DAB1: variants seen among roughly 807,000 people sequenced by gnomAD.
DAB1 encodes the protein disabled homolog 1.
Under a neutral mutation model 64.6 loss-of-function variants are expected in DAB1, and 15 were observed. The observed-to-expected ratio is 0.23, with a 90% CI of 0.16 to 0.36. The LOEUF is 0.36. Ranked by LOEUF, DAB1 falls within the 10% of genes least tolerant of loss-of-function variation. DAB1 has a pLI of 1.00. For synonymous variants in DAB1, 235 were observed against 251.9 expected, an observed-to-expected ratio of 0.93 and a Z score of 0.64; for missense variants, 596 against 706.7, an observed-to-expected ratio of 0.84 and a Z score of 1.78.
At chr1:57,232,681 C>G (rs1667775776) in intron 2 of DAB1, among the ~76,000 whole-genome samples, 1 of 151,990 alleles carries the variant, frequency 6.6e-6, no homozygotes, top group Non-Finnish European at 1.5e-5. Flanking sequence ...TCCAATACAC[C>G]AGATGGCGCC....
At chr1:57,370,008 G>T in intron 1 of DAB1, among the ~76,000 whole-genome samples, 1 of 152,258 alleles carries the variant, frequency 6.6e-6, no homozygotes, top group East Asian at 1.9e-4. Context: ...CTCAGCCCTT[G>T]TCTTGAACAG....
At chr1:57,140,285 G>A (rs747813178) in intron 3 of DAB1, among the ~76,000 whole-genome samples, 2 of 152,062 alleles carry the variant, frequency 1.3e-5, no homozygotes, top group Admixed American at 6.6e-5. Flanking sequence ...CTTACCCATC[G>A]TATAATTTAG....
chr1:57,148,275 G>C (rs145387329), intron 2 of DAB1, among the ~76,000 whole-genome samples: 19 of 152,324 alleles, frequency 1.2e-4, no homozygotes, highest in Non-Finnish European at 2.6e-4. Flanking sequence ...AACAAGGGCA[G>C]AGATTAATAA....
intron 1 of DAB1, among the ~76,000 whole-genome samples, chr1:57,423,154 A>G (rs1401133021): frequency 1.3e-5 from 2 of 150,298 alleles, no homozygotes; most frequent in Non-Finnish European, 3.0e-5. Flanking sequence ...TTTCCTTGGT[A>G]GAAAAAAAAA....
chr1:57,384,492 A>G (rs1411969015), intron 1 of DAB1, among the ~76,000 whole-genome samples: 1 of 152,236 alleles, frequency 6.6e-6, no homozygotes, highest in Non-Finnish European at 1.5e-5. Context: ...TATTCACAAT[A>G]GCCAAAAGGC....
At chr1:57,918,060 T>TC (rs1429737714) in intron 5 of DAB1, among the ~76,000 whole-genome samples, 97 of 135,558 alleles carry the variant, frequency 7.2e-4, no homozygotes, top group African/African-American at 2.5e-3. Context: ...AGAGTGAGAC[T>TC]CCGTCTCAAT....
At chr1:57,889,101 A>G (rs993549459) in intron 5 of DAB1, among the ~76,000 whole-genome samples, 2 of 152,178 alleles carry the variant, frequency 1.3e-5, no homozygotes, top group African/African-American at 4.8e-5. Flanking sequence ...TCCTTTCACG[A>G]GCTTGAGTTT....
chr1:57,810,701 G>C (rs1651578807), intron 6 of DAB1, among the ~76,000 whole-genome samples: 1 of 152,100 alleles, frequency 6.6e-6, no homozygotes, highest in Non-Finnish European at 1.5e-5. Flanking sequence ...ACCTCACTTT[G>C]CATCTCCCAA....
upstream of DAB1, among the ~76,000 whole-genome samples, chr1:57,887,797 C>T (rs1173652956): frequency 2.0e-5 from 3 of 152,162 alleles, no homozygotes; most frequent in East Asian, 3.8e-4. Context: ...AATCTCCTTC[C>T]ATTACATTAT....
chr1:58,291,689 C>G (rs1409241256), intron 4 of DAB1, among the ~76,000 whole-genome samples: 1 of 152,136 alleles, frequency 6.6e-6, no homozygotes, highest in African/African-American at 2.4e-5. Flanking sequence ...CTCATAGGAG[C>G]AGAATGAGGT....
At position 57,205,379 on chromosome 1, in the gene DAB1, A is replaced by G. The variant is rs563575186; in HGVS notation, c.68-59950T>C. 4.6e-5 allele frequency among the ~76,000 whole-genome samples: 7 copies of G among 152,242 alleles called. No individual in the cohort carries two copies. In the East Asian group the frequency reaches 9.7e-4, roughly 21 times the overall value. ...AGTGGACAAAATAGGCGAAGTCTCT[A>G]CTCTCTGAGCGTAGCCATGGGGCAG... On this transcript the variant is annotated intron_variant, in intron 2 of 14. Transcript: ENST00000371236.
intron 7 of DAB1, among the ~76,000 whole-genome samples, chr1:57,474,498 G>T (rs1041065230): frequency 3.3e-5 from 5 of 152,184 alleles, no homozygotes; most frequent in African/African-American, 1.2e-4. Context: ...CCATTAGGAA[G>T]TATGATTTAC....
chr1:58,238,103 T>C (rs1345961105), intron 4 of DAB1, among the ~76,000 whole-genome samples: 6 of 152,206 alleles, frequency 3.9e-5, no homozygotes, highest in Non-Finnish European at 8.8e-5. Flanking sequence ...AAACAGTAAG[T>C]ACCTGGAATT....
intron 7 of DAB1, among the ~76,000 whole-genome samples, chr1:57,563,759 C>T (rs1645081469): frequency 6.6e-6 from 1 of 152,186 alleles, no homozygotes; most frequent in Non-Finnish European, 1.5e-5. Context: ...CCCACCATTG[C>T]TGAGGCTTGA....
intron 5 of DAB1, among the ~76,000 whole-genome samples, chr1:57,896,233 T>A (rs1025914837): frequency 3.9e-5 from 6 of 152,124 alleles, no homozygotes; most frequent in African/African-American, 1.4e-4. Flanking sequence ...CTATGCAGTA[T>A]CACTATCGTG....
chr1:57,701,812 C>T (rs1424812235), intron 6 of DAB1, among the ~76,000 whole-genome samples: 2 of 151,946 alleles, frequency 1.3e-5, no homozygotes, highest in Non-Finnish European at 2.9e-5. Flanking sequence ...TTTTTCAGTT[C>T]AGCAAATACA....
At chr1:57,626,728 C>G (rs1011094534) in intron 7 of DAB1, among the ~76,000 whole-genome samples, 1 of 152,098 alleles carries the variant, frequency 6.6e-6, no homozygotes, top group Non-Finnish European at 1.5e-5. Flanking sequence ...CACAGATAGC[C>G]ATCTTTTCAC....
At chr1:58,304,840 G>A (rs889563575) in intron 4 of DAB1, among the ~76,000 whole-genome samples, 3 of 152,012 alleles carry the variant, frequency 2.0e-5, no homozygotes, top group African/African-American at 7.2e-5. Context: ...CAATAACGAT[G>A]ATCATTTCTG....
At chr1:57,935,173 G>A (rs1205758045) in intron 5 of DAB1, among the ~76,000 whole-genome samples, 1 of 152,224 alleles carries the variant, frequency 6.6e-6, no homozygotes, top group Non-Finnish European at 1.5e-5. Flanking sequence ...ATGAGAAGAA[G>A]GAGGGTTTAG....
Sources: allele counts gnomAD v4.1 joint callset (sites outside exome capture counted in the v4.1 genomes callset), GRCh38; gene constraint gnomAD v4.1.1; transcripts MANE v1.5; gene names NCBI Gene and HGNC (gene_info 2026-07-23, HGNC 2026-07-21).